FAM241A: variants seen among roughly 807,000 people sequenced by gnomAD.
FAM241A encodes uncharacterized protein FAM241A.
Under a neutral mutation model 12.2 loss-of-function variants are expected in FAM241A, and 7 were observed. The observed-to-expected ratio is 0.58, with a 90% CI of 0.33 to 1.08. The LOEUF (loss-of-function observed/expected upper bound fraction) is 1.08, where lower values mean the gene tolerates loss of function less well. Ranked by LOEUF, FAM241A falls within the 50% of genes least tolerant of loss-of-function variation. The pLI is 0.04. For synonymous variants in FAM241A, 74 were observed against 68.2 expected (o/e 1.08, Z -0.42); for missense variants, 161 against 169.7 (o/e 0.95, Z 0.29).
chr4:112,183,263 G>T (rs529857851), intron 1 of FAM241A, among the ~76,000 whole-genome samples: 2 of 151,676 alleles, frequency 1.3e-5, no homozygotes, highest in South Asian at 4.2e-4. Context: ...CTCTAGTTTT[G>T]TGTGTGCTTA....
chr4:112,155,492 G>A (rs1455954971), intron 1 of FAM241A, among the ~76,000 whole-genome samples: 1 of 151,642 alleles, frequency 6.6e-6, no homozygotes, highest in Non-Finnish European at 1.5e-5. Flanking sequence ...TTCATTTACT[G>A]ATAAGTGACA....
At chr4:112,183,829 A>C (rs1257348099) in intron 1 of FAM241A, among the ~76,000 whole-genome samples, 2 of 152,156 alleles carry the variant, frequency 1.3e-5, no homozygotes, top group Non-Finnish European at 2.9e-5. Flanking sequence ...AGGACTCTTC[A>C]AGTTCTACCC....
chr4:112,168,067 T>C (rs1165366946), intron 1 of FAM241A, among the ~76,000 whole-genome samples: 1 of 152,212 alleles, frequency 6.6e-6, no homozygotes, highest in Non-Finnish European at 1.5e-5. Context: ...GATCATAACT[T>C]TGGCATGTAA....
Position 112,191,458 on chromosome 4 carries a change from G to C in FAM241A, c.*4520G>C, listed in dbSNP as rs879797950. 1.3e-5 allele frequency: 2 copies of C among 152,136 alleles called. No individual in the cohort carries two copies. Among genetic ancestry groups the C allele is most frequent in the Non-Finnish European group, 2.9e-5 (2 of 68,042 alleles). The allele number at this position is 152,136 out of a possible 1,614,324, so 9.4% of individuals were successfully genotyped here. A position where few individuals can be genotyped will look rare whatever the true frequency, so the allele number is the denominator to read the frequency against. On this transcript the variant is annotated 3_prime_UTR_variant, in exon 2 of 2. Coordinates refer to ENST00000309733, the MANE Select transcript of FAM241A (RefSeq NM_152400.3). ...GTTTTCGTTATGATAAAGTCCTTAT[G>C]CCTTAATATGTTTTACAAGGCTCTT...
At chr4:112,164,796 T>C (rs926068146) in intron 1 of FAM241A, among the ~76,000 whole-genome samples, 14 of 152,106 alleles carry the variant, frequency 9.2e-5, no homozygotes, top group Admixed American at 2.6e-4. Context: ...GGGCAAAATA[T>C]TTAAATAGAC....
intron 1 of FAM241A, among the ~76,000 whole-genome samples, chr4:112,166,835 C>A (rs1297528547): frequency 1.3e-5 from 2 of 152,018 alleles, no homozygotes; most frequent in East Asian, 3.9e-4. Flanking sequence ...AAAATACTGG[C>A]CGGGCGCGGT....
intron 1 of FAM241A, 69 bp downstream of exon 1, chr4:112,145,802 G>A (rs1723124188): frequency 9.8e-7 from 1 of 1,019,260 alleles, no homozygotes; most frequent in Non-Finnish European, 1.2e-6. Flanking sequence ...GGCGTTGGAG[G>A]GAAGGGGCCC....
At chr4:112,186,379 G>A (rs1033655224) in intron 1 of FAM241A, among the ~76,000 whole-genome samples, 1 of 152,140 alleles carries the variant, frequency 6.6e-6, no homozygotes, top group African/African-American at 2.4e-5. Flanking sequence ...TAGTGTCAAA[G>A]GAACCGTCTA....
chr4:112,153,039 C>T (rs1272685776), intron 1 of FAM241A, among the ~76,000 whole-genome samples: 1 of 152,132 alleles, frequency 6.6e-6, no homozygotes, highest in Non-Finnish European at 1.5e-5. Context: ...ACTAACACAT[C>T]ATAGAACTGT....
Position 112,189,115 on chromosome 4 carries a change from G to A in FAM241A, c.*2177G>A, listed in dbSNP as rs370848182. ...AAAGAATTAGATTGGGCCGGGCGCG[G>A]TGGCTCACGCCTGTAATCCTAGCAC... On this transcript the variant is annotated 3_prime_UTR_variant, in exon 2 of 2. Transcript: ENST00000309733. The A allele has an allele frequency of 3.9e-5, 6 of 152,216 alleles. No homozygotes were observed. Among genetic ancestry groups the A allele is most frequent in the African/African-American group, 9.6e-5 (4 of 41,534 alleles). The allele number at this position is 152,216 out of a possible 1,614,324, so 9.4% of individuals were successfully genotyped here. A position where few individuals can be genotyped will look rare whatever the true frequency, so the allele number is the denominator to read the frequency against.
chr4:112,177,545 TG>T, intron 1 of FAM241A, among the ~76,000 whole-genome samples: 1 of 152,052 alleles, frequency 6.6e-6, no homozygotes, highest in Non-Finnish European at 1.5e-5. Context: ...TATCTATAAA[TG>T]GGGGGAAATA....
chr4:112,149,015 G>T (rs1723193657), intron 1 of FAM241A, among the ~76,000 whole-genome samples: 1 of 152,028 alleles, frequency 6.6e-6, no homozygotes, highest in Admixed American at 6.6e-5. Context: ...TAAAAGTAAT[G>T]TGTGCTTTGG....
At chr4:112,172,032 C>T (rs1409131200) in intron 1 of FAM241A, among the ~76,000 whole-genome samples, 1 of 152,092 alleles carries the variant, frequency 6.6e-6, no homozygotes, top group Non-Finnish European at 1.5e-5. Flanking sequence ...TATAACAAAG[C>T]CTATAGTGTA....
chr4:112,167,597 T>A (rs1723624623), intron 1 of FAM241A, among the ~76,000 whole-genome samples: 1 of 152,226 alleles, frequency 6.6e-6, no homozygotes, highest in African/African-American at 2.4e-5. Flanking sequence ...AGAAGTAATG[T>A]TCTGAAAGAT....
At chr4:112,154,367 A>C (rs1723309117) in intron 1 of FAM241A, among the ~76,000 whole-genome samples, 1 of 152,124 alleles carries the variant, frequency 6.6e-6, no homozygotes, top group African/African-American at 2.4e-5. Flanking sequence ...TCCCAGGTTC[A>C]AGCAATTCTT....
rs193302261 is a variant in FAM241A, at chr4:112,166,740, T to C, written c.154-19953T>C. Reference sequence around the variant, plus strand: ...GAACTAATGCTTTGGAATATATGTGTTTAATAGTTTATTGAACAAATGGCT... The same window carrying C: ...GAACTAATGCTTTGGAATATATGTGCTTAATAGTTTATTGAACAAATGGCT... On this transcript the variant is annotated intron_variant, in intron 1 of 1. Transcript: ENST00000309733. 4.2e-3 allele frequency among the ~76,000 whole-genome samples: 641 copies of C among 152,282 alleles called. 7 individuals carry two copies. Among genetic ancestry groups the C allele is most frequent in the African/African-American group, 0.015 (615 of 41,546 alleles).
At chr4:112,171,783 T>C (rs574155459) in intron 1 of FAM241A, among the ~76,000 whole-genome samples, 1 of 152,080 alleles carries the variant, frequency 6.6e-6, no homozygotes, top group South Asian at 2.1e-4. Flanking sequence ...GGCATGAACC[T>C]GGGAGGCGGA....
At chr4:112,165,623 G>A (rs1723578847) in intron 1 of FAM241A, among the ~76,000 whole-genome samples, 1 of 152,152 alleles carries the variant, frequency 6.6e-6, no homozygotes, top group Non-Finnish European at 1.5e-5. Context: ...TGGAACTGGA[G>A]GTCATTATGT....
intron 1 of FAM241A, among the ~76,000 whole-genome samples, chr4:112,158,005 T>A (rs1446716448): frequency 3.3e-5 from 5 of 152,146 alleles, no homozygotes; most frequent in African/African-American, 1.2e-4. Flanking sequence ...CTAATTAGCA[T>A]GCCTATCTTT....
Sources: allele counts gnomAD v4.1 joint callset (sites outside exome capture counted in the v4.1 genomes callset), GRCh38; gene constraint gnomAD v4.1.1; transcripts MANE v1.5; gene names NCBI Gene and HGNC (gene_info 2026-07-23, HGNC 2026-07-21).